Variants in CTNNA1 observed in about 807,000 individuals in gnomAD.
CTNNA1 encodes the protein catenin alpha-1.
CTNNA1 carries 37 observed loss-of-function variants against 98.4 expected under a neutral mutation model. The ratio of observed to expected loss-of-function variants is 0.38; its 90% confidence interval spans 0.29 to 0.49. The LOEUF is 0.49. Among genes scored for constraint, CTNNA1 ranks in the 20% least tolerant of loss-of-function variants. The probability of loss-of-function intolerance (pLI) is 0.95; values close to 1 mark genes in which losing one functional copy is unlikely to be tolerated. For missense variants in CTNNA1, 761 were observed against 1,147.2 expected, an observed-to-expected ratio of 0.66 and a Z score of 4.86; for synonymous variants, 404 against 413.2, an observed-to-expected ratio of 0.98 and a Z score of 0.27.
chr5:138,758,070 G>C (rs1199650277), intron 1 of CTNNA1, among the ~76,000 whole-genome samples: 3 of 151,952 alleles, frequency 2.0e-5, no homozygotes, highest in African/African-American at 7.3e-5. Context: ...GCAATGGCGT[G>C]ATGTCGGCTC....
rs377182398 is a variant in CTNNA1 at position 138,924,715 on chromosome 5, G to T, written c.1747+5G>T. 2 of 1,560,828 alleles carry T rather than the reference G, an allele frequency of 1.3e-6. No individual in the cohort carries two copies. The highest frequency in any genetic ancestry group is 1.2e-5 in the South Asian group (1 of 84,902). On this transcript the variant is annotated splice_donor_5th_base_variant and intron_variant, in intron 12 of 17. Transcript: ENST00000302763. ...CTAAGCTGCTCTCCAACACAGGTACGGGAACTCTCCCTTTCCAGTGCTCGC... is the reference window on the plus strand; with the variant it reads ...CTAAGCTGCTCTCCAACACAGGTACTGGAACTCTCCCTTTCCAGTGCTCGC...
chr5:138,770,125 G>A (rs781304239), intron 1 of CTNNA1, among the ~76,000 whole-genome samples: 7 of 152,200 alleles, frequency 4.6e-5, no homozygotes, highest in African/African-American at 9.6e-5. Flanking sequence ...GTGAGCCATC[G>A]TGCCCGGTGA....
rs1241292573 is a variant in CTNNA1 at position 138,800,544 on chromosome 5, CA to C, written c.302-9493del. Among the ~76,000 whole-genome samples, 5 of 152,192 alleles carry C rather than the reference CA, an allele frequency of 3.3e-5. No individual in the cohort carries two copies. In the South Asian group the frequency reaches 1.0e-3, roughly 32 times the overall value. On this transcript the variant is annotated intron_variant, in intron 3 of 17. Transcript: ENST00000302763. ...GTGCAGTGGCTCACACCTGTAATCCCAGCACTTTGGGAGGCCAAGGCAGGCA... is the reference window on the plus strand; with the variant it reads ...GTGCAGTGGCTCACACCTGTAATCCCGCACTTTGGGAGGCCAAGGCAGGCA...
chr5:138,838,980 T>C (rs947944918), intron 7 of CTNNA1, among the ~76,000 whole-genome samples: 9 of 151,982 alleles, frequency 5.9e-5, no homozygotes, highest in African/African-American at 2.2e-4. Flanking sequence ...TTTCCTCGAG[T>C]CTTCTTCTTT....
chr5:138,901,834 A>C (rs1758105907), intron 9 of CTNNA1, among the ~76,000 whole-genome samples: 1 of 152,148 alleles, frequency 6.6e-6, no homozygotes, highest in African/African-American at 2.4e-5. Flanking sequence ...CTCTCCTTTC[A>C]CTGTAGTCAG....
At chr5:138,877,210 C>A (rs1191949101) in intron 7 of CTNNA1, among the ~76,000 whole-genome samples, 1 of 152,188 alleles carries the variant, frequency 6.6e-6, no homozygotes, top group East Asian at 1.9e-4. Flanking sequence ...GAATGCTACT[C>A]CCCCTCTGAC....
At chr5:138,909,606 TG>T (rs1451963794) in intron 10 of CTNNA1, among the ~76,000 whole-genome samples, 1 of 152,188 alleles carries the variant, frequency 6.6e-6, no homozygotes, top group Non-Finnish European at 1.5e-5. Context: ...CCCAAAGTGC[TG>T]GGATTTCAGC....
At chr5:138,753,626 G>T in intron 1 of CTNNA1, 116 bp downstream of exon 1, 1 of 354,098 alleles carries the variant, frequency 2.8e-6, no homozygotes, top group Non-Finnish European at 5.1e-6. Flanking sequence ...AGCGGGCGGG[G>T]CGCGGTTTCT....
intron 7 of CTNNA1, chr5:138,872,867 C>A: frequency 1.9e-6 from 1 of 537,720 alleles, no homozygotes; most frequent in South Asian, 3.7e-5. Context: ...ATTAAAAATA[C>A]TTCAACACTT....
chr5:138,782,160 A>T (rs1274992322), intron 2 of CTNNA1, 131 bp downstream of exon 2: 4 of 852,210 alleles, frequency 4.7e-6, no homozygotes, highest in East Asian at 5.4e-5. Context: ...CAGTTCTTAG[A>T]TGATTTGAAT....
At chr5:138,905,025 C>A (rs575839185) in intron 10 of CTNNA1, among the ~76,000 whole-genome samples, 1 of 146,002 alleles carries the variant, frequency 6.8e-6, no homozygotes, top group Admixed American at 7.0e-5. Flanking sequence ...ACCTGGGAGG[C>A]GGAGCTTGCA....
At chr5:138,814,899 G>T (rs1488542945) in intron 5 of CTNNA1, among the ~76,000 whole-genome samples, 1 of 151,822 alleles carries the variant, frequency 6.6e-6, no homozygotes, top group Non-Finnish European at 1.5e-5. Context: ...GACTATAAGC[G>T]CCTGTCACCA....
intron 3 of CTNNA1, among the ~76,000 whole-genome samples, chr5:138,802,702 A>G (rs1373343426): frequency 2.0e-5 from 3 of 152,168 alleles, no homozygotes; most frequent in South Asian, 2.1e-4. Flanking sequence ...CTGTTTTACA[A>G]CTGTGGAACC....
chr5:138,808,918 T>C (rs1758386659), intron 3 of CTNNA1, among the ~76,000 whole-genome samples: 1 of 152,118 alleles, frequency 6.6e-6, no homozygotes, highest in Non-Finnish European at 1.5e-5. Context: ...GCACTGTAAA[T>C]AATTTTAAGA....
chr5:138,869,089 G>A (rs1765085331), intron 7 of CTNNA1: 1 of 141,276 alleles, frequency 7.1e-6, no homozygotes, highest in Non-Finnish European at 1.5e-5. Flanking sequence ...GAAGGTGATT[G>A]AACACAATGT....
chr5:138,894,662 A>T (rs1271043748), intron 9 of CTNNA1, among the ~76,000 whole-genome samples: 1 of 151,578 alleles, frequency 6.6e-6, no homozygotes, highest in East Asian at 1.9e-4. Flanking sequence ...TATGATTATG[A>T]TTATGATTAT....
At chr5:138,891,362 T>C (rs1236893180) in intron 9 of CTNNA1, among the ~76,000 whole-genome samples, 1 of 152,008 alleles carries the variant, frequency 6.6e-6, no homozygotes, top group East Asian at 1.9e-4. Context: ...TATGGTAGAT[T>C]CTCTGGCTGT....
intron 1 of CTNNA1, among the ~76,000 whole-genome samples, chr5:138,762,629 A>G (rs544652909): frequency 6.6e-6 from 1 of 151,104 alleles, no homozygotes; most frequent in East Asian, 1.9e-4. Flanking sequence ...TTTGATTGGG[A>G]TTTAATTTGT....
intron 11 of CTNNA1, among the ~76,000 whole-genome samples, chr5:138,918,298 T>G (rs1312489706): frequency 6.6e-6 from 1 of 152,188 alleles, no homozygotes; most frequent in Non-Finnish European, 1.5e-5. Flanking sequence ...GTGGAGACTG[T>G]GGTTATTTGT....
Sources: gnomAD v4.1 joint callset for allele counts (sites outside exome capture counted in the v4.1 genomes callset) on GRCh38, gnomAD v4.1.1 for gene constraint, MANE v1.5 for transcripts, NCBI Gene and HGNC (gene_info 2026-07-23, HGNC 2026-07-21) for gene names.